The following ATM variants were observed in gnomAD, a reference collection of about 807,000 sequenced individuals.
ATM encodes ATM serine/threonine kinase, also known as serine-protein kinase ATM.
In ATM, 308 loss-of-function variants were observed where a neutral mutation model predicts 387.0. The observed-to-expected ratio is 0.80, with a 90% CI of 0.73 to 0.87. The LOEUF (loss-of-function observed/expected upper bound fraction) is 0.87. Ranked by LOEUF, ATM falls within the 40% of genes least tolerant of loss-of-function variation. ATM has a pLI of 0.00. For missense variants in ATM, 3,312 were observed against 3,560.9 expected, an observed-to-expected ratio of 0.93 and a Z score of 1.78; for synonymous variants, 1,156 against 1,187.3, an observed-to-expected ratio of 0.97 and a Z score of 0.54.
Position 108,332,037 on chromosome 11 carries a change from G to C in ATM, c.7788G>C (p.Glu2596Asp), listed in dbSNP as rs587780639. ...CTAAACAAAGCTCTCAGCTTGATGA[G>C]GTATTTGGATTAAACATACGTACCT... ...NVPKQSSQLD[E>D]DRTEAANRII... is the part of the protein sequence containing the mutation. Residue 2596 changes from glutamate to aspartate, a missense_variant and splice_region_variant, in exon 52 of 63, where the codon GAG becomes GAC. By Grantham distance (45) the Glu-to-Asp change is conservative. Transcript: ENST00000675843. The C allele has an allele frequency of 3.7e-6, 6 of 1,613,484 alleles. No homozygotes were observed. The South Asian group carries it at 6.6e-5, about 18-fold the overall frequency.
rs56354559 is a variant in ATM, at chr11:108,295,021, A to T, written c.4871A>T (p.His1624Leu). The T allele has an allele frequency of 6.2e-7, 1 of 1,614,002 alleles. No homozygotes were observed. The highest frequency in any genetic ancestry group is 8.5e-7 in the Non-Finnish European group (1 of 1,179,908). ...LKDLRRQLEL[H>L]KDQMVDIMRA... Reference sequence around the variant, plus strand: ...GATCTTCGAAGACAACTGGAACTACATAAAGATCAGATGGTGGACATTATG... The same window carrying T: ...GATCTTCGAAGACAACTGGAACTACTTAAAGATCAGATGGTGGACATTATG... The change falls in exon 32 of 63, where the codon CAT becomes CTT. Residue 1624 changes from histidine (H) to leucine (L), a missense_variant. Physicochemically the swap from His to Leu is moderately conservative, Grantham distance 99. Coordinates refer to ENST00000675843, the MANE Select transcript of ATM (RefSeq NM_000051.4).
chr11:108,359,283 C>A (rs888520281), intron 61 of ATM, among the ~76,000 whole-genome samples: 12 of 151,516 alleles, frequency 7.9e-5, no homozygotes, highest in East Asian at 1.9e-4. Context: ...CAGGAGCACC[C>A]AGATTCATAA....
intron 29 of ATM, 126 bp downstream of exon 29, chr11:108,289,927 G>A (rs2082695059): frequency 8.4e-6 from 7 of 830,628 alleles, no homozygotes; most frequent in East Asian, 8.1e-5. Flanking sequence ...GTGCAGTCAC[G>A]GCTCACTGCA....
chr11:108,364,995 T>G (rs1424205012), intron 61 of ATM, 87 bp from the exon 62 acceptor site: 1 of 1,493,128 alleles, frequency 6.7e-7, no homozygotes, highest in African/African-American at 1.4e-5. Flanking sequence ...TGTGACTGGC[T>G]TATTTGTATG....
intron 14 of ATM, among the ~76,000 whole-genome samples, chr11:108,256,566 C>T (rs1431002184): frequency 6.6e-6 from 1 of 151,998 alleles, no homozygotes. Context: ...TGATGTAGAG[C>T]ATGCAGGTTT....
Position 108,366,274 on chromosome 11 carries a change from CTCT to C in ATM, c.*768_*770del. 1 of 205,582 alleles carries C rather than the reference CTCT, an allele frequency of 4.9e-6. No homozygotes were observed. Among genetic ancestry groups the C allele is most frequent in the Non-Finnish European group, 1.0e-5 (1 of 100,478 alleles). The allele number at this position is 205,582 out of a possible 1,614,324, so 12.7% of individuals were successfully genotyped here. ...TAGATTGCCTTCTAGTTCATGAATT[CTCT>C]TGTCAGATGTATATAATCTCTTTTA... On this transcript the variant is annotated 3_prime_UTR_variant, in exon 63 of 63. Coordinates refer to ENST00000675843, the MANE Select transcript of ATM (RefSeq NM_000051.4).
rs768874297 is a variant in ATM at position 108,256,240 on chromosome 11, G to A, written c.2150G>A (p.Arg717Gln). 21 of 1,606,850 alleles carry A rather than the reference G, an allele frequency of 1.3e-5. No homozygotes were observed. The highest frequency in any genetic ancestry group is 1.2e-4 in the African/African-American group (9 of 74,734). ...SEITNSETLV[R>Q]CSRLLVGVLG... The stretch of plus-strand genomic sequence containing the variant: ...ATTACAAATTCAGAAACTCTTGTCC[G>A]GTGTTCACGTCTTTTGGTGGGTGTC... The change falls in exon 14 of 63, where the codon CGG (arginine) becomes CAG (glutamine). Residue 717 changes from arginine (R) to glutamine (Q), a missense_variant. Transcript: ENST00000675843.
intron 43 of ATM, among the ~76,000 whole-genome samples, chr11:108,318,049 T>C (rs959243457): frequency 7.2e-5 from 11 of 152,212 alleles, no homozygotes; most frequent in African/African-American, 2.6e-4. Context: ...TCTTTATTTA[T>C]GAAATATTTT....
intron 49 of ATM, among the ~76,000 whole-genome samples, chr11:108,329,965 G>A (rs1303898896): frequency 6.6e-6 from 1 of 152,200 alleles, no homozygotes; most frequent in Admixed American, 6.5e-5. Flanking sequence ...ATATTTTAGT[G>A]TAAGCAGAGG....
chr11:108,364,131 G>C (rs2091089358), intron 61 of ATM, among the ~76,000 whole-genome samples: 1 of 152,140 alleles, frequency 6.6e-6, no homozygotes, highest in African/African-American at 2.4e-5. Context: ...TGCTAATCTA[G>C]TACGTGTCCT....
chr11:108,272,859 G>C lies in ATM; in HGVS notation c.3284+7G>C, dbSNP rs371629629. The C allele has an allele frequency of 1.9e-6, 3 of 1,613,772 alleles. No individual in the cohort carries two copies. The African/African-American group carries it at 4.0e-5, about 22-fold the overall frequency. ...CTGCAGAGTCAATCAATAGGTAATG[G>C]GTCAAATATTCATGAAGTATTTGGA... On this transcript the variant is annotated splice_region_variant and intron_variant, in intron 22 of 62. Coordinates refer to ENST00000675843, the MANE Select transcript of ATM (RefSeq NM_000051.4).
rs561269371 is a variant in ATM, at chr11:108,237,542, CT to C, written c.496+1714del. ...CCCGGATGTTACTTCTTATAATTAG[CT>C]TTTTTGTCAAAGTATTTTTTTACTT... On this transcript the variant is annotated intron_variant, in intron 5 of 62. Coordinates refer to ENST00000675843, the MANE Select transcript of ATM (RefSeq NM_000051.4). 1.0e-3 allele frequency among the ~76,000 whole-genome samples: 159 copies of C among 152,086 alleles called. 1 individual carries two copies. Among genetic ancestry groups the C allele is most frequent in the South Asian group, 3.9e-3 (19 of 4,812 alleles).
chr11:108,351,849 G>A (rs1322106458), intron 59 of ATM, among the ~76,000 whole-genome samples: 1 of 152,160 alleles, frequency 6.6e-6, no homozygotes, highest in Non-Finnish European at 1.5e-5. Context: ...ACTGTTACCT[G>A]CTAGTCTATA....
intron 46 of ATM, 55 bp downstream of exon 46, chr11:108,325,599 T>TA (rs2136321586): frequency 3.5e-6 from 5 of 1,422,186 alleles, no homozygotes; most frequent in South Asian, 2.3e-5. Context: ...TTTTATTATT[T>TA]AAAAAACAGA....
intron 59 of ATM, among the ~76,000 whole-genome samples, chr11:108,350,780 G>C (rs2089102036): frequency 6.6e-6 from 1 of 152,166 alleles, no homozygotes. Context: ...ATGCAAATTA[G>C]AGGTAGGAGT....
intron 16 of ATM, among the ~76,000 whole-genome samples, chr11:108,263,096 T>G (rs1400408291): frequency 3.8e-4 from 57 of 151,140 alleles, no homozygotes; most frequent in African/African-American, 1.1e-3. Context: ...AGTCAACAAG[T>G]ATACCCAGGA....
rs1158350157 is a variant in ATM, at chr11:108,345,903, C to G, written c.8579C>G (p.Ser2860Cys). The G allele has an allele frequency of 1.2e-6, 2 of 1,613,594 alleles. No individual in the cohort carries two copies. The highest frequency in any genetic ancestry group is 1.7e-5 in the Admixed American group (1 of 59,996). ...LAYTRSVATS[S>C]IVGYILGLGD... ...TATACGCGCAGTGTAGCTACTTCTT[C>G]TATTGGTAATCTTCTTGTACATATA... Residue 2860 changes from serine (S) to cysteine (C), a missense_variant, in exon 58 of 63, where the codon TCT (serine) becomes TGT (cysteine). By Grantham distance (112) the Ser-to-Cys change is moderately radical. Coordinates refer to ENST00000675843, the MANE Select transcript of ATM (RefSeq NM_000051.4).
chr11:108,269,092 C>G (rs986401000), intron 18 of ATM, among the ~76,000 whole-genome samples: 4 of 152,152 alleles, frequency 2.6e-5, no homozygotes, highest in African/African-American at 9.7e-5. Flanking sequence ...ATCATTTTCT[C>G]TGAACCATTT....
intron 32 of ATM, chr11:108,296,876 TTATAGA>T: frequency 1.1e-5 from 3 of 272,570 alleles, no homozygotes; most frequent in South Asian, 4.0e-5. Flanking sequence ...ACAGTGTAGA[TTATAGA>T]CATTTCCATC....
Sources: gnomAD v4.1 joint callset for allele counts (sites outside exome capture counted in the v4.1 genomes callset) on GRCh38, gnomAD v4.1.1 for gene constraint, MANE v1.5 for transcripts, NCBI Gene and HGNC (gene_info 2026-07-23, HGNC 2026-07-21) for gene names.